The following SPATA13 variants were observed in gnomAD, a reference collection of about 807,000 sequenced individuals.
The protein encoded by SPATA13 is spermatogenesis-associated protein 13.
In SPATA13, 50 loss-of-function variants were observed where a neutral mutation model predicts 104.0. The observed-to-expected ratio is 0.48, with a 90% CI of 0.38 to 0.61. SPATA13 has a LOEUF of 0.61. Ranked by LOEUF, SPATA13 falls within the 20% of genes least tolerant of loss-of-function variation. The probability of loss-of-function intolerance (pLI) is 0.00; values close to 1 mark genes in which losing one functional copy is unlikely to be tolerated. For missense variants in SPATA13, 1,524 were observed against 1,690.6 expected (o/e 0.90, Z 1.73); for synonymous variants, 606 against 667.5 (o/e 0.91, Z 1.42).
intron 2 of SPATA13, among the ~76,000 whole-genome samples, chr13:24,005,200 A>T (rs1876168024): frequency 6.6e-6 from 1 of 152,220 alleles, no homozygotes; most frequent in Admixed American, 6.5e-5. Context: ...ATTGCAAATC[A>T]GTTCTGTTTT....
intron 3 of SPATA13, among the ~76,000 whole-genome samples, chr13:24,112,391 C>G (rs1270368057): frequency 6.6e-6 from 1 of 152,200 alleles, no homozygotes. Flanking sequence ...GTATGACAAT[C>G]AATCCTACAC....
intron 3 of SPATA13, among the ~76,000 whole-genome samples, chr13:24,118,634 C>T (rs1270920291): frequency 6.6e-6 from 1 of 152,076 alleles, no homozygotes; most frequent in African/African-American, 2.4e-5. Flanking sequence ...GCATTTTCAC[C>T]AAGTTCCTGG....
At chr13:24,091,901 A>G (rs1052816461) in intron 3 of SPATA13, among the ~76,000 whole-genome samples, 8 of 152,100 alleles carry the variant, frequency 5.3e-5, no homozygotes, top group Admixed American at 2.6e-4. Context: ...TGCCCCTCTC[A>G]TGGCTGCTAG....
At chr13:24,052,899 A>T (rs1044634855) in intron 3 of SPATA13, among the ~76,000 whole-genome samples, 1 of 64,608 alleles carries the variant, frequency 1.5e-5, no homozygotes, top group African/African-American at 5.8e-5. Flanking sequence ...TTCTGTGGAA[A>T]ATTGTTTCAC....
In SPATA13 at chr13:24,223,331, T is replaced by C. The variant is rs912617665; in HGVS notation, c.402T>C (p.Cys134=). The C allele has an allele frequency of 1.3e-6, 2 of 1,551,386 alleles. No individual in the cohort carries two copies. The change falls in exon 2 of 13, where the codon TGT becomes TGC. Residue 134 remains cysteine, a synonymous_variant. Transcript: ENST00000382108. ...AGAGCCGAGAGGGGTCAAATGCCTG[T>C]TCAAAGGGAGAGGCTTCGGAGCATG... The part of the protein sequence containing the change: ...GIQSREGSNA[C]SKGEASEHGL...
In SPATA13 at chr13:24,251,866, A is replaced by G; in HGVS notation, c.2164+4A>G. On this transcript the variant is annotated splice_donor_region_variant and intron_variant, in intron 4 of 12. Coordinates refer to ENST00000382108, the MANE Select transcript of SPATA13 (RefSeq NM_001166271.3). ...CGGCAGATGAGAGCATCCAACGGTGAGTCTCAGAGTCCCTTTCCTTTCAGA... is the reference window on the plus strand; with the variant it reads ...CGGCAGATGAGAGCATCCAACGGTGGGTCTCAGAGTCCCTTTCCTTTCAGA... 6.2e-7 allele frequency: 1 copy of G among 1,612,002 alleles called. No homozygotes were observed. The highest frequency in any genetic ancestry group is 8.5e-7 in the Non-Finnish European group (1 of 1,178,614).
At chr13:24,281,135 C>T (rs1189996320) in intron 4 of SPATA13, among the ~76,000 whole-genome samples, 1 of 152,234 alleles carries the variant, frequency 6.6e-6, no homozygotes, top group Non-Finnish European at 1.5e-5. Flanking sequence ...GTCCCCTCTC[C>T]TTTAATGAGC....
intron 3 of SPATA13, among the ~76,000 whole-genome samples, chr13:24,108,748 C>G (rs951640477): frequency 1.3e-5 from 2 of 152,114 alleles, no homozygotes; most frequent in Non-Finnish European, 2.9e-5. Flanking sequence ...ACCTTTCAAG[C>G]CTGGAGGCCC....
At chr13:24,213,961 G>A (rs1871158731) in intron 1 of SPATA13, among the ~76,000 whole-genome samples, 1 of 152,242 alleles carries the variant, frequency 6.6e-6, no homozygotes, top group Non-Finnish European at 1.5e-5. Context: ...TACTCATGGA[G>A]AAAAGATACA....
intron 3 of SPATA13, among the ~76,000 whole-genome samples, chr13:24,068,154 C>T (rs1312874674): frequency 1.3e-5 from 2 of 152,128 alleles, no homozygotes; most frequent in African/African-American, 4.8e-5. Context: ...TCCTCTTTGC[C>T]TCTCACCCTC....
chr13:24,136,246 G>A (rs1017037544), intron 3 of SPATA13, among the ~76,000 whole-genome samples: 2 of 152,188 alleles, frequency 1.3e-5, no homozygotes, highest in Non-Finnish European at 2.9e-5. Context: ...CCGAGGTGAG[G>A]TGGGTGGATC....
chr13:24,190,617 G>T (rs9553214), intron 1 of SPATA13, among the ~76,000 whole-genome samples: 20,035 of 151,344 alleles, frequency 0.13, 1,616 homozygotes, highest in East Asian at 0.27. Context: ...GGTGGAAACA[G>T]CAAGAGAACT....
rs571742915 is a variant in SPATA13, at chr13:24,197,756, C to A, written c.-111-25063C>A. 2.0e-5 allele frequency among the ~76,000 whole-genome samples: 3 copies of A among 152,134 alleles called. No homozygotes were observed. In the South Asian group the frequency reaches 6.2e-4, roughly 32 times the overall value. On this transcript the variant is annotated intron_variant, in intron 1 of 12. Coordinates refer to ENST00000382108, the MANE Select transcript of SPATA13 (RefSeq NM_001166271.3). Reference sequence around the variant, plus strand: ...CCTTGGCCTTATTTCCATGTTCTGACTAATTTTAAAAAATATGTATAAGGA... The same window carrying A: ...CCTTGGCCTTATTTCCATGTTCTGAATAATTTTAAAAAATATGTATAAGGA...
At chr13:24,117,973 T>C (rs1880906499) in intron 3 of SPATA13, among the ~76,000 whole-genome samples, 1 of 152,234 alleles carries the variant, frequency 6.6e-6, no homozygotes. Flanking sequence ...AAAATGGCAT[T>C]AGAAAAACTT....
At chr13:24,225,186 C>T (rs1162074644) in intron 2 of SPATA13, among the ~76,000 whole-genome samples, 1 of 152,246 alleles carries the variant, frequency 6.6e-6, no homozygotes, top group African/African-American at 2.4e-5. Flanking sequence ...CCATGCCTGC[C>T]AAGGGCAAAC....
At position 24,123,217 on chromosome 13, in the gene SPATA13, G is replaced by T; in HGVS notation, c.-111-99602G>T. 3.8e-6 allele frequency: 6 copies of T among 1,576,404 alleles called. No individual in the cohort carries two copies. In the South Asian group the frequency reaches 6.7e-5, roughly 17 times the overall value. On this transcript the variant is annotated intron_variant, in intron 3 of 14. Transcript: ENST00000424834. ...GTGATATATTCTTTAGCTTTTTCTT[G>T]ATTGCTGATCAATACTTGAAGGGCA...
chr13:24,045,574 GT>G lies in SPATA13; in HGVS notation c.-112+27874del, dbSNP rs1878113756. 5.3e-5 allele frequency among the ~76,000 whole-genome samples: 8 copies of G among 152,300 alleles called. No homozygotes were observed. In the South Asian group the frequency reaches 1.7e-3, roughly 32 times the overall value. On this transcript the variant is annotated intron_variant, in intron 3 of 14. Coordinates refer to the SPATA13 transcript ENST00000424834. ...TGTTGTTATGGAAGAAATTTAGTAT[GT>G]AAAATGACACTGTAAACAATACCAG...
intron 1 of SPATA13, among the ~76,000 whole-genome samples, chr13:24,214,669 T>G (rs1325316978): frequency 2.0e-5 from 3 of 152,196 alleles, no homozygotes; most frequent in African/African-American, 7.2e-5. Flanking sequence ...CTCCCTGGTG[T>G]TGTCCAGTCA....
chr13:23,994,689 G>A (rs1875593131), intron 2 of SPATA13, among the ~76,000 whole-genome samples: 1 of 152,136 alleles, frequency 6.6e-6, no homozygotes, highest in African/African-American at 2.4e-5. Flanking sequence ...AGTATAGAGT[G>A]CTGTTTTTTT....
Sources: allele counts gnomAD v4.1 joint callset (sites outside exome capture counted in the v4.1 genomes callset), GRCh38; gene constraint gnomAD v4.1.1; transcripts MANE v1.5; gene names NCBI Gene and HGNC (gene_info 2026-07-23, HGNC 2026-07-21).